Variants in BRCA1 observed in about 807,000 individuals in gnomAD.
BRCA1 encodes breast cancer type 1 susceptibility protein.
A neutral mutation model predicts 173.7 loss-of-function variants in BRCA1; 140 were observed. That is an observed-to-expected ratio of 0.81 (90% CI 0.70 to 0.93). BRCA1 has a LOEUF of 0.93. Ranked by LOEUF, BRCA1 falls within the 40% of genes least tolerant of loss-of-function variation. BRCA1 has a pLI of 0.00. For synonymous variants in BRCA1, 662 were observed against 756.0 expected, an observed-to-expected ratio of 0.88 and a Z score of 2.04; for missense variants, 1,983 against 2,172.5, an observed-to-expected ratio of 0.91 and a Z score of 1.73.
chr17:43,100,026 A>C (rs1316628363), intron 6 of BRCA1, 146 bp from the exon 7 acceptor site: 1 of 721,726 alleles, frequency 1.4e-6, no homozygotes, highest in Non-Finnish European at 2.5e-6. Flanking sequence ...ATGCCCAGGA[A>C]TTTACACACT....
chr17:43,142,765 CAG>C (rs1024995539), intron 1 of BRCA1, among the ~76,000 whole-genome samples: 1 of 152,044 alleles, frequency 6.6e-6, no homozygotes, highest in African/African-American at 2.4e-5. Context: ...ATTTTTAAGA[CAG>C]AGTTTCAGTC....
At position 43,099,767 on chromosome 17, in the gene BRCA1, A is replaced by C. The variant is rs762224894; in HGVS notation, c.547+8T>G. 3.1e-6 allele frequency: 5 copies of C among 1,590,424 alleles called. No individual in the cohort carries two copies. The African/African-American group carries it at 5.4e-5, about 17-fold the overall frequency. On this transcript the variant is annotated splice_region_variant and intron_variant, in intron 7 of 22. Transcript: ENST00000357654. ...TTATTAAATACTTAAAAAACCTGAG[A>C]CCCTTACCCAATTCAATGTAGACAG... is the stretch of plus-strand genomic sequence containing the variant.
chr17:43,071,334 G>A, intron 14 of BRCA1, 96 bp from the exon 15 acceptor site: 1 of 1,413,318 alleles, frequency 7.1e-7, no homozygotes, highest in Non-Finnish European at 9.8e-7. Flanking sequence ...AATAAAGTTA[G>A]GTTAAGAGAA....
chr17:43,111,160 G>C (rs1210767775), intron 3 of BRCA1, among the ~76,000 whole-genome samples: 1 of 150,780 alleles, frequency 6.6e-6, no homozygotes, highest in African/African-American at 2.4e-5. Flanking sequence ...TCAAACTAAT[G>C]CATGACTGCC....
rs397508838 is a variant in BRCA1, at chr17:43,094,416, C to T, written c.1115G>A (p.Trp372Ter). 1 of 1,614,018 alleles carries T rather than the reference C, an allele frequency of 6.2e-7. No individual in the cohort carries two copies. Residue 372 changes from tryptophan (W) to a stop codon, truncating the protein, a stop_gained, in exon 10 of 23, where the codon TGG (tryptophan) becomes TAG (stop). Transcript: ENST00000357654. LOFTEE classifies it high-confidence loss of function. ...ENPRDTEDVPWITLNSSIQKV... is the reference protein window; with the variant it reads ...ENPRDTEDVP ...CTGAATGCTGCTATTTAGTGTTATC[C>T]AAGGAACATCTTCAGTATCTCTAGG...
chr17:43,144,993 C>T, intron 1 of BRCA1: 1 of 660,324 alleles, frequency 1.5e-6, no homozygotes, highest in South Asian at 1.4e-5. Flanking sequence ...GAAGGGGCTG[C>T]CATGGAAGAG....
At chr17:43,120,108 G>T (rs1410971979) in intron 2 of BRCA1, among the ~76,000 whole-genome samples, 1 of 152,122 alleles carries the variant, frequency 6.6e-6, no homozygotes, top group Non-Finnish European at 1.5e-5. Flanking sequence ...ACTGGAAAAA[G>T]CAGCTAGGTT....
chr17:43,092,376 T>C lies in BRCA1; in HGVS notation c.3155A>G (p.Asn1052Ser), dbSNP rs398122672. Residue 1052 changes from asparagine (N) to serine (S), a missense_variant, in exon 10 of 23, where the codon AAT becomes AGT. Transcript: ENST00000357654. ...TTCATTAATACTGGAGCCCACTTCA[T>C]TAGTACTGGAACCTACTTCATTAAT... is the stretch of plus-strand genomic sequence containing the variant. ...SNINEVGSSTNEVGSSINEIG... is the reference protein window; with the variant it reads ...SNINEVGSSTSEVGSSINEIG... 2 of 1,613,792 alleles carry C rather than the reference T, an allele frequency of 1.2e-6. No individual in the cohort carries two copies. The highest frequency in any genetic ancestry group is 1.3e-5 in the African/African-American group (1 of 74,904).
intron 18 of BRCA1, among the ~76,000 whole-genome samples, chr17:43,059,678 T>C (rs778054111): frequency 3.3e-5 from 5 of 152,146 alleles, no homozygotes; most frequent in Admixed American, 6.6e-5. Context: ...CTCTTTACCT[T>C]ATCCTCCAAA....
In BRCA1 at chr17:43,135,327, G is replaced by A. The variant is rs529105884; in HGVS notation, c.-19-11212C>T. On this transcript the variant is annotated intron_variant, in intron 1 of 7. Coordinates refer to the BRCA1 transcript ENST00000634433. ...GCCCAGCGTTCAAGCCCAAGCACAG[G>A]CCTGCAAGAACTTTCTTCCAACTGC... 1.4e-4 allele frequency among the ~76,000 whole-genome samples: 22 copies of A among 152,362 alleles called. No individual in the cohort carries two copies. In the South Asian group the frequency reaches 4.3e-3, roughly 30 times the overall value.
intron 14 of BRCA1, among the ~76,000 whole-genome samples, chr17:43,073,164 C>A (rs922883697): frequency 6.6e-6 from 1 of 151,902 alleles, no homozygotes; most frequent in Admixed American, 6.6e-5. Context: ...AGACCCGTGT[C>A]TAACCCCACC....
At chr17:43,166,174 CTCTA>C (rs1214587717) in intron 1 of BRCA1, 1 of 151,664 alleles carries the variant, frequency 6.6e-6, no homozygotes, top group African/African-American at 2.4e-5. Context: ...CTCTCTCTCT[CTCTA>C]TCCTTGACTC....
chr17:43,113,930 C>G (rs1179529223), intron 3 of BRCA1, among the ~76,000 whole-genome samples: 1 of 152,116 alleles, frequency 6.6e-6, no homozygotes, highest in Non-Finnish European at 1.5e-5. Flanking sequence ...CAAAAATTAG[C>G]TGGGTGTGGT....
chr17:43,056,928 A>G (rs2153332341), intron 19 of BRCA1, 124 bp downstream of exon 19: 1 of 870,836 alleles, frequency 1.1e-6, no homozygotes, highest in Non-Finnish European at 2.0e-6. Context: ...CCTGTGTGAA[A>G]GTATCTAGCA....
intron 20 of BRCA1, chr17:43,050,247 T>G (rs1266453110): frequency 2.5e-6 from 1 of 396,424 alleles, no homozygotes; most frequent in Non-Finnish European, 4.4e-6. Context: ...GCTGCGCAAC[T>G]CCAGAGGTAA....
At chr17:43,130,291 G>T (rs2055954817), upstream of BRCA1, among the ~76,000 whole-genome samples, 1 of 152,096 alleles carries the variant, frequency 6.6e-6, no homozygotes, top group African/African-American at 2.4e-5. Flanking sequence ...TAGGATTACA[G>T]GCATGAGCCA....
At chr17:43,133,636 C>T (rs1348798427) in intron 1 of BRCA1, among the ~76,000 whole-genome samples, 1 of 134,400 alleles carries the variant, frequency 7.4e-6, no homozygotes, top group Non-Finnish European at 1.6e-5. Flanking sequence ...TTTTTCACTT[C>T]CTTTTTTTTT....
chr17:43,049,000 T>G, intron 21 of BRCA1, 121 bp downstream of exon 21: 1 of 903,836 alleles, frequency 1.1e-6, no homozygotes, highest in Non-Finnish European at 1.8e-6. Flanking sequence ...GGCACAGGTA[T>G]GTGGGCAGAG....
intron 1 of BRCA1, chr17:43,138,223 A>G (rs1309872410): frequency 5.4e-6 from 1 of 186,468 alleles, no homozygotes; most frequent in Non-Finnish European, 1.1e-5. Flanking sequence ...ACCCAAACAA[A>G]CAAAACCCCT....
Sources: gnomAD v4.1 joint callset for allele counts (sites outside exome capture counted in the v4.1 genomes callset) on GRCh38, gnomAD v4.1.1 for gene constraint, MANE v1.5 for transcripts, NCBI Gene and HGNC (gene_info 2026-07-23, HGNC 2026-07-21) for gene names.